The following PLCB1 variants were observed in gnomAD, a reference collection of about 807,000 sequenced individuals.
The protein encoded by PLCB1 is 1-phosphatidylinositol 4,5-bisphosphate phosphodiesterase beta-1.
Under a neutral mutation model 161.8 loss-of-function variants are expected in PLCB1, and 46 were observed. The ratio of observed to expected loss-of-function variants is 0.28; its 90% CI spans 0.22 to 0.36. The LOEUF is 0.36. Ranked by LOEUF, PLCB1 falls within the 10% of genes least tolerant of loss-of-function variation. PLCB1 has a pLI of 1.00. For synonymous variants in PLCB1, 517 were observed against 503.7 expected, an observed-to-expected ratio of 1.03 and a Z score of -0.35; for missense variants, 1,016 against 1,472.5, an observed-to-expected ratio of 0.69 and a Z score of 5.07.
intron 31 of PLCB1, among the ~76,000 whole-genome samples, chr20:8,824,915 G>C (rs2146269206): frequency 6.6e-6 from 1 of 152,262 alleles, no homozygotes; most frequent in African/African-American, 2.4e-5. Context: ...CCTGGATATT[G>C]GTTGATGTCT....
At chr20:8,845,600 C>T (rs1986663579) in intron 31 of PLCB1, among the ~76,000 whole-genome samples, 2 of 152,136 alleles carry the variant, frequency 1.3e-5, no homozygotes, top group South Asian at 2.1e-4. Flanking sequence ...TCTATTGGGT[C>T]GGGCTGCCTT....
At chr20:8,169,773 CAT>C (rs2123066393) in intron 2 of PLCB1, among the ~76,000 whole-genome samples, 1 of 152,194 alleles carries the variant, frequency 6.6e-6, no homozygotes, top group South Asian at 2.1e-4. Flanking sequence ...GTGCGTGGTG[CAT>C]GTGGCCTAGT....
intron 3 of PLCB1, among the ~76,000 whole-genome samples, chr20:8,512,705 C>A (rs534374928): frequency 2.0e-5 from 3 of 151,932 alleles, no homozygotes; most frequent in Non-Finnish European, 4.4e-5. Flanking sequence ...CCCCAATGTA[C>A]AATATGGGGA....
chr20:8,259,183 A>G (rs944471443), intron 2 of PLCB1, among the ~76,000 whole-genome samples: 33 of 152,178 alleles, frequency 2.2e-4, no homozygotes, highest in Admixed American at 1.1e-3. Flanking sequence ...ATTTGTTTCT[A>G]GTTTTTGGTA....
intron 2 of PLCB1, among the ~76,000 whole-genome samples, chr20:8,171,115 C>T (rs1368495339): frequency 7.2e-5 from 11 of 152,106 alleles, no homozygotes; most frequent in Admixed American, 7.2e-4. Flanking sequence ...GTTTATGACA[C>T]ATGCTCTGTA....
chr20:8,433,965 G>A (rs950176397), intron 3 of PLCB1, among the ~76,000 whole-genome samples: 1 of 93,734 alleles, frequency 1.1e-5, no homozygotes, highest in Admixed American at 9.7e-5. Flanking sequence ...CCCATTATGT[G>A]TTTGTTTTTT....
chr20:8,196,664 A>ATATATATATAT (rs397786544), intron 2 of PLCB1, among the ~76,000 whole-genome samples: 18 of 149,624 alleles, frequency 1.2e-4, no homozygotes, highest in African/African-American at 4.2e-4. Flanking sequence ...ATATATATAT[A>ATATATATATAT]AAATATATAT....
At chr20:8,246,651 A>C (rs1186284820) in intron 2 of PLCB1, among the ~76,000 whole-genome samples, 6 of 151,952 alleles carry the variant, frequency 3.9e-5, no homozygotes, top group African/African-American at 1.4e-4. Context: ...GCAAAGCAAA[A>C]TAAATTTTCT....
chr20:8,790,204 A>G lies in PLCB1; in HGVS notation c.3366A>G (p.Glu1122=), dbSNP rs762035591. ...RLEEAQSKRQ[E]KLVEKHKEIR... Reference sequence around the variant, plus strand: ...AAGAAGCGCAAAGTAAACGGCAAGAAAAACTCGTAGAGAAACACAAGGAAA... The same window carrying G: ...AAGAAGCGCAAAGTAAACGGCAAGAGAAACTCGTAGAGAAACACAAGGAAA... The change falls in exon 31 of 32, where the codon GAA becomes GAG. Residue 1122 remains glutamate, a synonymous_variant. Coordinates refer to ENST00000338037, the MANE Select transcript of PLCB1 (RefSeq NM_015192.4). The G allele has an allele frequency of 9.9e-6, 16 of 1,611,876 alleles. No individual in the cohort carries two copies. The highest frequency in any genetic ancestry group is 9.4e-5 in the African/African-American group (7 of 74,836).
intron 2 of PLCB1, among the ~76,000 whole-genome samples, chr20:8,267,612 T>C (rs1043397546): frequency 1.3e-5 from 2 of 152,178 alleles, no homozygotes; most frequent in Non-Finnish European, 2.9e-5. Flanking sequence ...GAAATACATG[T>C]TACAATGTTA....
intron 2 of PLCB1, among the ~76,000 whole-genome samples, chr20:8,200,209 C>T (rs915374609): frequency 2.6e-5 from 4 of 151,866 alleles, no homozygotes; most frequent in Admixed American, 2.0e-4. Context: ...ATGTGATCAG[C>T]CTTATCAATA....
intron 27 of PLCB1, among the ~76,000 whole-genome samples, chr20:8,781,840 G>A (rs6056108): frequency 0.32 from 47,983 of 151,924 alleles, 7,639 homozygotes; most frequent in Middle Eastern, 0.48. Context: ...AGACTTATTC[G>A]CTATCACAAG....
chr20:8,251,679 A>G (rs1600262970), intron 2 of PLCB1, among the ~76,000 whole-genome samples: 2 of 151,970 alleles, frequency 1.3e-5, no homozygotes, highest in Admixed American at 1.3e-4. Flanking sequence ...TGCCCCTTTT[A>G]GGAGGCATCT....
intron 3 of PLCB1, among the ~76,000 whole-genome samples, chr20:8,443,968 T>G (rs934894874): frequency 6.6e-5 from 10 of 152,174 alleles, no homozygotes; most frequent in Admixed American, 5.2e-4. Context: ...CCTCCGACTT[T>G]TTTCCTCATT....
rs183147788 is a variant in PLCB1, at chr20:8,811,149, G to A, written c.3423+20888G>A. Among the ~76,000 whole-genome samples the A allele has an allele frequency of 3.1e-3, 475 of 152,292 alleles. 5 individuals are homozygous for A. Among genetic ancestry groups the A allele is most frequent in the Middle Eastern group, 0.014 (4 of 294 alleles). ...TAAAGTTGGTGAATGCTACAGGAGA[G>A]TCTTCTTTGGTTTTAGTATCCAGGA... is the stretch of plus-strand genomic sequence containing the variant. On this transcript the variant is annotated intron_variant, in intron 31 of 31. Coordinates refer to ENST00000338037, the MANE Select transcript of PLCB1 (RefSeq NM_015192.4).
chr20:8,201,949 T>C (rs1600231297), intron 2 of PLCB1, among the ~76,000 whole-genome samples: 1 of 152,220 alleles, frequency 6.6e-6, no homozygotes, highest in African/African-American at 2.4e-5. Context: ...CCTTCTTGAT[T>C]CCTGCTTATA....
Position 8,757,147 on chromosome 20 carries a change from C to T in PLCB1, c.2625C>T (p.Pro875=). The change falls in exon 24 of 32, where the codon CCC becomes CCT. Residue 875 remains proline, a synonymous_variant. Transcript: ENST00000338037. ...NHTTTLTPKP[P]SQALHSQPAP... ...CTACAACCCTGACACCCAAGCCACCCTCCCAGGCTCTCCACAGCCAGCCAG... is the reference window on the plus strand; with the variant it reads ...CTACAACCCTGACACCCAAGCCACCTTCCCAGGCTCTCCACAGCCAGCCAG... 2 of 1,612,882 alleles carry T rather than the reference C, an allele frequency of 1.2e-6. No individual in the cohort carries two copies. The highest frequency in any genetic ancestry group is 1.7e-6 in the Non-Finnish European group (2 of 1,179,312).
chr20:8,364,669 A>T (rs983331497), intron 2 of PLCB1, among the ~76,000 whole-genome samples: 2 of 152,202 alleles, frequency 1.3e-5, no homozygotes, highest in Admixed American at 1.3e-4. Flanking sequence ...GCTGAACTTT[A>T]TGTCAAACAC....
At chr20:8,497,364 T>C (rs1983223183) in intron 3 of PLCB1, among the ~76,000 whole-genome samples, 1 of 152,206 alleles carries the variant, frequency 6.6e-6, no homozygotes, top group Non-Finnish European at 1.5e-5. Flanking sequence ...TATATGAGGA[T>C]TTAGGTAAAT....
Sources: gnomAD v4.1 joint callset for allele counts (sites outside exome capture counted in the v4.1 genomes callset) on GRCh38, gnomAD v4.1.1 for gene constraint, MANE v1.5 for transcripts, NCBI Gene and HGNC (gene_info 2026-07-23, HGNC 2026-07-21) for gene names.